The following MARCHF1 variants were observed in gnomAD, a reference collection of about 807,000 sequenced individuals.
The protein encoded by MARCHF1 is membrane associated ring-CH-type finger 1, also known as E3 ubiquitin-protein ligase MARCHF1.
In MARCHF1, 40 loss-of-function variants were observed where a neutral mutation model predicts 54.2. The observed-to-expected ratio is 0.74, with a 90% CI of 0.57 to 0.96. The LOEUF (loss-of-function observed/expected upper bound fraction) is 0.96. MARCHF1 is among the 40% of genes least tolerant of loss of function. The probability of loss-of-function intolerance (pLI) is 0.00; values close to 1 mark genes in which losing one functional copy is unlikely to be tolerated. For synonymous variants in MARCHF1, 236 were observed against 236.3 expected (o/e 1.00, Z 0.01); for missense variants, 586 against 656.5 (o/e 0.89, Z 1.17).
chr4:164,151,770 A>G (rs1342866570), intron 1 of MARCHF1, among the ~76,000 whole-genome samples: 2 of 152,110 alleles, frequency 1.3e-5, no homozygotes, highest in Admixed American at 6.6e-5. Context: ...ATTTCTTTCT[A>G]ACTCAGCCCA....
intron 1 of MARCHF1, among the ~76,000 whole-genome samples, chr4:164,271,288 G>T (rs536272330): frequency 6.6e-6 from 1 of 152,134 alleles, no homozygotes; most frequent in African/African-American, 2.4e-5. Flanking sequence ...ATCCAGATGG[G>T]CCCAGTCTAA....
chr4:164,266,332 AAG>A lies in MARCHF1; in HGVS notation c.-323+117536_-323+117537del, dbSNP rs575539840. ...CTTGTCCAAATTGTTACTAAGAATC[AAG>A]AGAGATATCTGACATGAAATGACAT... On this transcript the variant is annotated intron_variant, in intron 1 of 9. Transcript: ENST00000514618. Among the ~76,000 whole-genome samples, 412 of 152,348 alleles carry A rather than the reference AAG, an allele frequency of 2.7e-3. 1 individual carries two copies. Among genetic ancestry groups the A allele is most frequent in the Non-Finnish European group, 4.9e-3 (334 of 68,020 alleles).
At chr4:163,853,908 C>G in intron 4 of MARCHF1, 113 bp downstream of exon 4, 1 of 865,774 alleles carries the variant, frequency 1.2e-6, no homozygotes, top group Non-Finnish European at 1.7e-6. Context: ...AATACAAATG[C>G]AAATACTGTT....
intron 1 of MARCHF1, among the ~76,000 whole-genome samples, chr4:164,312,513 A>G (rs923771157): frequency 3.3e-5 from 5 of 151,652 alleles, no homozygotes; most frequent in African/African-American, 4.8e-5. Flanking sequence ...TAGTAGAGAC[A>G]GGGTTTCACC....
intron 1 of MARCHF1, among the ~76,000 whole-genome samples, chr4:164,314,022 C>T (rs896309888): frequency 6.6e-6 from 1 of 152,202 alleles, no homozygotes; most frequent in African/African-American, 2.4e-5. Context: ...ACATAAATCA[C>T]ATTCTGATAC....
chr4:163,893,913 T>A (rs1419632852), intron 3 of MARCHF1, among the ~76,000 whole-genome samples: 1 of 152,140 alleles, frequency 6.6e-6, no homozygotes, highest in Non-Finnish European at 1.5e-5. Flanking sequence ...CATGAAGGAC[T>A]CAGCCAGATA....
At chr4:163,687,313 C>T (rs1462206168) in intron 5 of MARCHF1, among the ~76,000 whole-genome samples, 4 of 151,642 alleles carry the variant, frequency 2.6e-5, no homozygotes, top group Non-Finnish European at 4.4e-5. Context: ...CTGCAAACTC[C>T]ACCTCCCCGG....
At chr4:163,632,725 C>T (rs577483140) in intron 5 of MARCHF1, among the ~76,000 whole-genome samples, 12 of 152,368 alleles carry the variant, frequency 7.9e-5, no homozygotes, top group South Asian at 2.1e-4. Context: ...CCTGGAAGCT[C>T]GAACTGGGTG....
At chr4:164,150,945 G>A (rs1729918461) in intron 1 of MARCHF1, among the ~76,000 whole-genome samples, 2 of 152,256 alleles carry the variant, frequency 1.3e-5, no homozygotes, top group East Asian at 1.9e-4. Flanking sequence ...GGGAATAGGA[G>A]GGCAAAAGTG....
chr4:164,120,928 A>G lies in MARCHF1; in HGVS notation c.-322-9266T>C, dbSNP rs953461357. ...AATGATGCATTTTGAATAACTAGAAAACAAGAGCAAACCAAACCCAAAATT... is the reference window on the plus strand; with the variant it reads ...AATGATGCATTTTGAATAACTAGAAGACAAGAGCAAACCAAACCCAAAATT... On this transcript the variant is annotated intron_variant, in intron 1 of 9. Transcript: ENST00000514618. Among the ~76,000 whole-genome samples the G allele has an allele frequency of 3.4e-4, 52 of 152,184 alleles. 1 individual carries two copies. The highest frequency in any genetic ancestry group is 2.4e-3 in the Admixed American group (37 of 15,270).
At chr4:164,366,729 T>G (rs1730889829) in intron 1 of MARCHF1, among the ~76,000 whole-genome samples, 1 of 151,940 alleles carries the variant, frequency 6.6e-6, no homozygotes, top group African/African-American at 2.4e-5. Flanking sequence ...TTTAGTATGT[T>G]TCAGCATATT....
intron 3 of MARCHF1, among the ~76,000 whole-genome samples, chr4:163,974,470 T>C (rs1752610855): frequency 6.6e-6 from 1 of 152,204 alleles, no homozygotes; most frequent in South Asian, 2.1e-4. Context: ...GACCAGATGA[T>C]TCCAACTGTT....
At chr4:163,548,594 C>T (rs1244450900) in intron 8 of MARCHF1, among the ~76,000 whole-genome samples, 1 of 152,184 alleles carries the variant, frequency 6.6e-6, no homozygotes, top group African/African-American at 2.4e-5. Flanking sequence ...GGGAACCATC[C>T]ACGTTTTCCA....
intron 5 of MARCHF1, among the ~76,000 whole-genome samples, chr4:163,636,880 A>G (rs1742349809): frequency 6.6e-6 from 1 of 152,244 alleles, no homozygotes; most frequent in African/African-American, 2.4e-5. Context: ...ACAGCATGGT[A>G]CTGGTACCAA....
chr4:163,924,791 A>G (rs895779120), intron 3 of MARCHF1, among the ~76,000 whole-genome samples: 1 of 151,880 alleles, frequency 6.6e-6, no homozygotes, highest in African/African-American at 2.4e-5. Context: ...CTCTTCGCCA[A>G]ATTTGCTCTA....
intron 1 of MARCHF1, among the ~76,000 whole-genome samples, chr4:164,227,849 C>T (rs865897837): frequency 3.9e-5 from 6 of 152,214 alleles, no homozygotes; most frequent in Admixed American, 2.6e-4. Context: ...AAGTCAATGT[C>T]ATACATGGGG....
At chr4:164,275,558 T>A (rs891131604) in intron 1 of MARCHF1, among the ~76,000 whole-genome samples, 2 of 152,246 alleles carry the variant, frequency 1.3e-5, no homozygotes, top group African/African-American at 4.8e-5. Context: ...GACATAAACT[T>A]GATAAATAAC....
chr4:163,902,566 C>T (rs1373676654), intron 3 of MARCHF1, among the ~76,000 whole-genome samples: 3 of 152,144 alleles, frequency 2.0e-5, no homozygotes, highest in Non-Finnish European at 1.5e-5. Context: ...TCTTTAATGG[C>T]TTTTTCCTCC....
chr4:164,135,781 A>G lies in MARCHF1; in HGVS notation c.-322-24119T>C, dbSNP rs116273890. On this transcript the variant is annotated intron_variant, in intron 1 of 9. Transcript: ENST00000514618. The stretch of plus-strand genomic sequence containing the variant: ...ATACTGATGGAGATAATTATTTAAA[A>G]TATTCAAAGATGTGGTCTAAGAAAT... 5.9e-3 allele frequency among the ~76,000 whole-genome samples: 898 copies of G among 152,328 alleles called. 9 individuals carry two copies. Among genetic ancestry groups the G allele is most frequent in the African/African-American group, 0.021 (854 of 41,572 alleles).
Sources: allele counts gnomAD v4.1 joint callset (sites outside exome capture counted in the v4.1 genomes callset), GRCh38; gene constraint gnomAD v4.1.1; transcripts MANE v1.5; gene names NCBI Gene and HGNC (gene_info 2026-07-23, HGNC 2026-07-21).